The following ZNF385D variants were observed in gnomAD, a reference collection of about 807,000 sequenced individuals.
ZNF385D encodes zinc finger protein 385D.
A neutral mutation model predicts 35.8 loss-of-function variants in ZNF385D; 15 were observed. The ratio of observed to expected loss-of-function variants is 0.42; its 90% CI spans 0.28 to 0.64. The LOEUF (loss-of-function observed/expected upper bound fraction) is 0.64. Among genes scored for constraint, ZNF385D ranks in the 30% least tolerant of loss-of-function variants. The probability of loss-of-function intolerance (pLI) is 0.23; values close to 1 mark genes in which losing one functional copy is unlikely to be tolerated. For synonymous variants in ZNF385D, 212 were observed against 186.8 expected (o/e 1.13, Z -1.10); for missense variants, 474 against 494.6 (o/e 0.96, Z 0.39).
chr3:22,357,600 A>G (rs1191928964), intron 2 of ZNF385D, among the ~76,000 whole-genome samples: 3 of 151,220 alleles, frequency 2.0e-5, no homozygotes, highest in Admixed American at 1.3e-4. Context: ...AAATTCTAGT[A>G]ACTTAAAGAA....
chr3:21,798,771 G>A (rs1384964499), intron 3 of ZNF385D, among the ~76,000 whole-genome samples: 1 of 152,102 alleles, frequency 6.6e-6, no homozygotes, highest in Non-Finnish European at 1.5e-5. Context: ...AATCTTGGGG[G>A]CTACTTTAGA....
At chr3:21,764,232 A>C (rs1414743709) in intron 3 of ZNF385D, among the ~76,000 whole-genome samples, 1 of 152,256 alleles carries the variant, frequency 6.6e-6, no homozygotes, top group African/African-American at 2.4e-5. Context: ...CAGTGTGGAG[A>C]CAAGAGCTAG....
intron 3 of ZNF385D, among the ~76,000 whole-genome samples, chr3:21,896,946 G>T (rs1353807279): frequency 6.6e-6 from 1 of 152,016 alleles, no homozygotes; most frequent in African/African-American, 2.4e-5. Flanking sequence ...AAAAAACTGG[G>T]ATCATTTTTC....
chr3:21,907,705 A>G (rs772066612), intron 3 of ZNF385D, among the ~76,000 whole-genome samples: 1 of 152,106 alleles, frequency 6.6e-6, no homozygotes, highest in Non-Finnish European at 1.5e-5. Flanking sequence ...CATCCTCAAA[A>G]TTGTCATCAA....
intron 3 of ZNF385D, among the ~76,000 whole-genome samples, chr3:21,757,199 T>G (rs2070384085): frequency 7.2e-6 from 1 of 139,176 alleles, no homozygotes; most frequent in African/African-American, 2.6e-5. Flanking sequence ...TGGCGCAATC[T>G]CAGCTCACCA....
At chr3:21,856,772 A>C (rs1249590001) in intron 3 of ZNF385D, among the ~76,000 whole-genome samples, 1 of 152,042 alleles carries the variant, frequency 6.6e-6, no homozygotes, top group Non-Finnish European at 1.5e-5. Context: ...ACACGTGAGG[A>C]ACAACCAGCT....
intron 2 of ZNF385D, among the ~76,000 whole-genome samples, chr3:21,587,229 A>G (rs1042686683): frequency 2.6e-5 from 4 of 152,178 alleles, no homozygotes; most frequent in African/African-American, 9.7e-5. Flanking sequence ...TACATAAGAA[A>G]GTTTGTATTT....
At chr3:22,327,990 C>T (rs941473630) in intron 2 of ZNF385D, among the ~76,000 whole-genome samples, 7 of 152,184 alleles carry the variant, frequency 4.6e-5, no homozygotes, top group Non-Finnish European at 8.8e-5. Context: ...GATAAGCGCT[C>T]TTCTAAATAT....
At chr3:21,959,278 A>G (rs1702454659) in intron 3 of ZNF385D, among the ~76,000 whole-genome samples, 2 of 152,204 alleles carry the variant, frequency 1.3e-5, no homozygotes, top group Non-Finnish European at 2.9e-5. Context: ...ACTTCAAATA[A>G]TAAGGCAAAA....
chr3:21,679,006 AC>A (rs1575446470), intron 1 of ZNF385D, among the ~76,000 whole-genome samples: 1 of 126,826 alleles, frequency 7.9e-6, no homozygotes, highest in African/African-American at 3.0e-5. Context: ...CCTGCCACCC[AC>A]CCCCCAACCC....
intron 3 of ZNF385D, among the ~76,000 whole-genome samples, chr3:22,162,055 T>G (rs1261489252): frequency 6.6e-6 from 1 of 152,190 alleles, no homozygotes; most frequent in Non-Finnish European, 1.5e-5. Flanking sequence ...GTATATGAAG[T>G]ACTTGGAACA....
chr3:22,106,859 T>C (rs1702240538), intron 3 of ZNF385D, among the ~76,000 whole-genome samples: 1 of 152,060 alleles, frequency 6.6e-6, no homozygotes, highest in African/African-American at 2.4e-5. Flanking sequence ...CCTTAACTTG[T>C]GATTTGGGCA....
At chr3:22,033,174 G>C (rs1234523714) in intron 3 of ZNF385D, among the ~76,000 whole-genome samples, 1 of 152,000 alleles carries the variant, frequency 6.6e-6, no homozygotes, top group African/African-American at 2.4e-5. Flanking sequence ...GGCTGAGGCA[G>C]GTCGATAGCT....
rs1172665258 is a variant in ZNF385D, at chr3:21,418,056, T to C, written c.*3158A>G. The C allele has an allele frequency of 6.6e-6, 1 of 152,162 alleles. No homozygotes were observed. Among genetic ancestry groups the C allele is most frequent in the African/African-American group, 2.4e-5 (1 of 41,454 alleles). 9.4% of individuals were successfully genotyped at this position (152,162 alleles called of 1,614,324 possible). On this transcript the variant is annotated 3_prime_UTR_variant, in exon 8 of 8. Coordinates refer to ENST00000281523, the MANE Select transcript of ZNF385D (RefSeq NM_024697.3). ...TTTCTCATAAGAGAAATACAGTACC[T>C]CCCCAATGACTGTTTCCCATTTGTC...
chr3:22,002,120 TAAAA>T (rs35194786), intron 3 of ZNF385D, among the ~76,000 whole-genome samples: 8 of 150,062 alleles, frequency 5.3e-5, no homozygotes, highest in Admixed American at 5.3e-4. Flanking sequence ...AATAAAGACT[TAAAA>T]AAAAACACAC....
chr3:22,272,792 G>C (rs941628494), intron 2 of ZNF385D, among the ~76,000 whole-genome samples: 9 of 151,990 alleles, frequency 5.9e-5, no homozygotes, highest in East Asian at 1.9e-4. Context: ...TAGTATCTCA[G>C]ACTTATCTTA....
chr3:22,260,877 G>A (rs1209521967), intron 2 of ZNF385D, among the ~76,000 whole-genome samples: 1 of 151,910 alleles, frequency 6.6e-6, no homozygotes, highest in African/African-American at 2.4e-5. Flanking sequence ...TTATTCTATG[G>A]TAACAGTTTT....
intron 3 of ZNF385D, among the ~76,000 whole-genome samples, chr3:21,880,368 A>C (rs937539078): frequency 3.9e-5 from 6 of 151,960 alleles, no homozygotes; most frequent in African/African-American, 1.4e-4. Context: ...TTTCTGTCAC[A>C]TTTTGGTAAT....
At chr3:22,105,207 T>C (rs1301170418) in intron 3 of ZNF385D, among the ~76,000 whole-genome samples, 2 of 152,010 alleles carry the variant, frequency 1.3e-5, no homozygotes, top group African/African-American at 4.8e-5. Context: ...AACCATAAAA[T>C]AGTATCATTA....
Sources: gnomAD v4.1 joint callset for allele counts (sites outside exome capture counted in the v4.1 genomes callset) on GRCh38, gnomAD v4.1.1 for gene constraint, MANE v1.5 for transcripts, NCBI Gene and HGNC (gene_info 2026-07-23, HGNC 2026-07-21) for gene names.